Variants in HECA observed in about 807,000 individuals in gnomAD.
HECA encodes the protein HECA ribonucleoprotein granule regulator, also known as headcase protein homolog.
HECA carries 13 observed loss-of-function variants against 37.6 expected under a neutral mutation model. That is an observed-to-expected ratio of 0.35 (90% CI 0.23 to 0.55). HECA has a LOEUF of 0.55. HECA is among the 20% of genes least tolerant of loss of function. The pLI, the probability that HECA is intolerant of heterozygous loss-of-function variation, is 0.90. For missense variants in HECA, 527 were observed against 701.9 expected (o/e 0.75, Z 2.82); for synonymous variants, 307 against 291.5 (o/e 1.05, Z -0.54).
Position 139,176,611 on chromosome 6 carries a change from C to T in HECA, c.1468-330C>T, listed in dbSNP as rs949694711. On this transcript the variant is annotated intron_variant, in intron 3 of 3. Coordinates refer to ENST00000367658, the MANE Select transcript of HECA (RefSeq NM_016217.3). The surrounding 1 kb of genome is among the most constrained non-coding windows in gnomAD (Gnocchi z 4.5). ...GAAAAATGAAATTTCAAAGAAGTTT[C>T]GTGGAGGTTTGGGTGAGGGAAGTCA... Among the ~76,000 whole-genome samples, 7 of 152,118 alleles carry T rather than the reference C, an allele frequency of 4.6e-5. No individual in the cohort carries two copies. Among genetic ancestry groups the T allele is most frequent in the East Asian group, 3.8e-4 (2 of 5,200 alleles).
intron 1 of HECA, among the ~76,000 whole-genome samples, chr6:139,143,875 A>AG (rs1414834696): frequency 6.7e-6 from 1 of 149,964 alleles, no homozygotes; most frequent in South Asian, 2.1e-4. Flanking sequence ...AAAAAAAAAA[A>AG]AAAGAAAGAA....
At chr6:139,152,418 A>ATATGTGTG (rs1554217507) in intron 1 of HECA, among the ~76,000 whole-genome samples, 4 of 147,428 alleles carry the variant, frequency 2.7e-5, no homozygotes, top group Non-Finnish European at 6.0e-5. Flanking sequence ...GAAGCATTGG[A>ATATGTGTG]TGTGTGTGTG....
intron 1 of HECA, among the ~76,000 whole-genome samples, chr6:139,146,018 G>C (rs1774579696): frequency 7.5e-6 from 1 of 133,490 alleles, no homozygotes; most frequent in South Asian, 2.3e-4. Context: ...GGCATATTCT[G>C]GACCCCCTCA....
intron 2 of HECA, chr6:139,169,961 C>G (rs1252628468): frequency 6.6e-6 from 1 of 152,212 alleles, no homozygotes; most frequent in Non-Finnish European, 1.5e-5. Context: ...CCTACAAACT[C>G]CCCGGTGCTT....
rs547532639 is a variant in HECA at position 139,180,646 on chromosome 6, A to G, written c.*3541A>G. On this transcript the variant is annotated 3_prime_UTR_variant, in exon 4 of 4. Coordinates refer to ENST00000367658, the MANE Select transcript of HECA (RefSeq NM_016217.3). The stretch of plus-strand genomic sequence containing the variant: ...TCTTGTCAGTAAAGATTTCTTGTCA[A>G]GATGTCTTGGATTGCACTTTTGTTG... 1.3e-5 allele frequency: 2 copies of G among 152,740 alleles called. No homozygotes were observed. Among genetic ancestry groups the G allele is most frequent in the African/African-American group, 4.8e-5 (2 of 41,574 alleles). 9.5% of individuals were successfully genotyped at this position (152,740 alleles called of 1,614,324 possible). A position where few individuals can be genotyped will look rare whatever the true frequency, so the allele number is the denominator to read the frequency against.
chr6:139,169,155 AATTTCCGCTACCCT>A (rs1169531669), intron 2 of HECA, among the ~76,000 whole-genome samples: 2 of 152,060 alleles, frequency 1.3e-5, no homozygotes, highest in Non-Finnish European at 2.9e-5. Flanking sequence ...TTTCTTTGAC[AATTTCCGCTACCCT>A]ATTTTCACTT....
intron 1 of HECA, chr6:139,165,985 C>T (rs1006981554): frequency 2.2e-5 from 6 of 274,994 alleles, no homozygotes; most frequent in Non-Finnish European, 4.1e-5. Flanking sequence ...CCACCTTAGA[C>T]GAGAAATCGG....
At chr6:139,166,262 T>TA in intron 1 of HECA, 22 bp from the exon 2 acceptor site, 1 of 1,558,084 alleles carries the variant, frequency 6.4e-7, no homozygotes, top group Non-Finnish European at 8.7e-7. Context: ...TGAAATCTGT[T>TA]CTCTCTTTAT....
intron 1 of HECA, 103 bp from the exon 2 acceptor site, chr6:139,166,181 T>C (rs564617275): frequency 2.2e-6 from 2 of 903,694 alleles, no homozygotes; most frequent in African/African-American, 3.3e-5. Context: ...CCTTTCATTA[T>C]ATTCATGTCT....
intron 1 of HECA, among the ~76,000 whole-genome samples, chr6:139,145,011 C>G (rs866036195): frequency 6.6e-6 from 1 of 152,128 alleles, no homozygotes; most frequent in Non-Finnish European, 1.5e-5. Context: ...AGGGGCTTGT[C>G]CCTATGGTTT....
In HECA at chr6:139,177,244, T is replaced by C. The variant is rs901090964; in HGVS notation, c.*139T>C. ...CTTTGTTGTATGTGTGCCACTAAAA[T>C]AGGGGCTGCCCTTGCCCTGTCTTGA... On this transcript the variant is annotated 3_prime_UTR_variant, in exon 4 of 4. Coordinates refer to ENST00000367658, the MANE Select transcript of HECA (RefSeq NM_016217.3). The surrounding 1 kb of genome is among the most constrained non-coding windows in gnomAD (Gnocchi z 4.9). 5.3e-5 allele frequency: 31 copies of C among 583,688 alleles called. No homozygotes were observed. The African/African-American group carries it at 5.7e-4, about 11-fold the overall frequency. The allele number at this position is 583,688 out of a possible 1,614,324, so 36.2% of individuals were successfully genotyped here.
At chr6:139,170,563 G>A (rs7774899) in intron 2 of HECA, 83,478 of 152,106 alleles carry the variant, frequency 0.55, 23,833 homozygotes, top group Non-Finnish European at 0.59. Context: ...AGGAGGGAGT[G>A]CCTGCAAGCA....
rs1444330996 is a variant in HECA at position 139,162,585 on chromosome 6, C to T, written c.272-3699C>T. Among the ~76,000 whole-genome samples, 3 of 152,162 alleles carry T rather than the reference C, an allele frequency of 2.0e-5. No homozygotes were observed. The East Asian group carries it at 5.8e-4, about 29-fold the overall frequency. On this transcript the variant is annotated intron_variant, in intron 1 of 3. Transcript: ENST00000367658. ...GGACAAATGAAGATTAAGGGGAAAC[C>T]ACGGTGATCAAATATTAATACATAG... is the stretch of plus-strand genomic sequence containing the variant.
chr6:139,157,986 A>C (rs1287593152), intron 1 of HECA, among the ~76,000 whole-genome samples: 1 of 152,216 alleles, frequency 6.6e-6, no homozygotes, highest in Non-Finnish European at 1.5e-5. Flanking sequence ...GCTTTGCTCT[A>C]AACTTGTTCA....
intron 1 of HECA, among the ~76,000 whole-genome samples, chr6:139,145,052 C>G (rs1774566267): frequency 6.6e-6 from 1 of 152,182 alleles, no homozygotes; most frequent in Non-Finnish European, 1.5e-5. Flanking sequence ...AAGTGTATAT[C>G]TCTGTGCCAA....
chr6:139,147,565 C>T (rs1412930800), intron 1 of HECA, among the ~76,000 whole-genome samples: 1 of 152,140 alleles, frequency 6.6e-6, no homozygotes, highest in African/African-American at 2.4e-5. Context: ...GAAAGGCTTG[C>T]AGTGAGCTGC....
At chr6:139,137,054 T>C (rs148266287) in intron 1 of HECA, among the ~76,000 whole-genome samples, 1 of 152,356 alleles carries the variant, frequency 6.6e-6, no homozygotes, top group African/African-American at 2.4e-5. Context: ...CTCTGCAATA[T>C]TGAAATAGGA....
At chr6:139,140,271 G>A (rs1183741773) in intron 1 of HECA, among the ~76,000 whole-genome samples, 1 of 152,228 alleles carries the variant, frequency 6.6e-6, no homozygotes, top group Non-Finnish European at 1.5e-5. Flanking sequence ...AATATCTGTT[G>A]AGGATCTAAG....
Position 139,166,372 on chromosome 6 carries a change from C to G in HECA, c.360C>G (p.Asn120Lys), listed in dbSNP as rs45532935. The change falls in exon 2 of 4, where the codon AAC (asparagine) becomes AAG (lysine). Residue 120 changes from asparagine to lysine, a missense_variant. By Grantham distance (94) the Asn-to-Lys change is moderately conservative. Coordinates refer to ENST00000367658, the MANE Select transcript of HECA (RefSeq NM_016217.3). ...KDDYQKVVCN[N>K]EHCPCSTWMH... ...ACTACCAGAAGGTGGTGTGCAACAA[C>G]GAGCACTGCCCCTGCAGCACCTGGA... 17 of 1,614,158 alleles carry G rather than the reference C, an allele frequency of 1.1e-5. No homozygotes were observed. The highest frequency in any genetic ancestry group is 1.4e-5 in the Non-Finnish European group (17 of 1,180,004).
Sources: gnomAD v4.1 joint callset for allele counts (sites outside exome capture counted in the v4.1 genomes callset) on GRCh38, gnomAD v4.1.1 for gene constraint, Gnocchi (gnomAD v3.1) non-coding constraint, MANE v1.5 for transcripts, NCBI Gene and HGNC (gene_info 2026-07-23, HGNC 2026-07-21) for gene names.